Variants in CDC14A observed in about 807,000 individuals in gnomAD.
CDC14A encodes dual specificity protein phosphatase CDC14A.
CDC14A carries 53 observed loss-of-function variants against 74.4 expected under a neutral mutation model. The observed-to-expected ratio is 0.71, with a 90% CI of 0.57 to 0.89. CDC14A has a LOEUF of 0.89. CDC14A is among the 40% of genes least tolerant of loss of function. The pLI, the probability that CDC14A is intolerant of heterozygous loss-of-function variation, is 0.00. For missense variants in CDC14A, 646 were observed against 713.7 expected, an observed-to-expected ratio of 0.91 and a Z score of 1.08; for synonymous variants, 247 against 258.4, an observed-to-expected ratio of 0.96 and a Z score of 0.43.
Position 100,494,799 on chromosome 1 carries a change from A to C in CDC14A, c.1138-19A>C. 6.9e-7 allele frequency: 1 copy of C among 1,446,504 alleles called. No individual in the cohort carries two copies. The highest frequency in any genetic ancestry group is 1.1e-5 in the South Asian group (1 of 87,238). 89.6% of individuals were successfully genotyped at this position (1,446,504 alleles called of 1,614,324 possible). A position where few individuals can be genotyped will look rare whatever the true frequency, so the allele number is the denominator to read the frequency against. ...AAGCCAAATTTTGACCTTTCTATGG[A>C]ACGTGTATTTTTTTCCAGGATAACT... On this transcript the variant is annotated intron_variant, in intron 11 of 15. Transcript: ENST00000336454.
chr1:100,352,754 G>A lies in CDC14A; in HGVS notation c.-201G>A. 1 of 1,404,076 alleles carries A rather than the reference G, an allele frequency of 7.1e-7. No individual in the cohort carries two copies. Among genetic ancestry groups the A allele is most frequent in the Non-Finnish European group, 9.2e-7 (1 of 1,084,680 alleles). The allele number at this position is 1,404,076 out of a possible 1,614,324, so 87.0% of individuals were successfully genotyped here. ...GAGCGCCCCGCGCGGAGCGAGCTCG[G>A]GTTCCCCTCGGAATGTCCCCGGGGC... On this transcript the variant is annotated 5_prime_UTR_variant, in exon 1 of 16. Coordinates refer to ENST00000336454, the MANE Select transcript of CDC14A (RefSeq NM_003672.4).
At chr1:100,495,650 C>T (rs1647671639) in intron 12 of CDC14A, among the ~76,000 whole-genome samples, 1 of 152,148 alleles carries the variant, frequency 6.6e-6, no homozygotes, top group Non-Finnish European at 1.5e-5. Flanking sequence ...ATACACATAG[C>T]AGAAGGATGT....
intron 4 of CDC14A, 103 bp from the exon 5 acceptor site, chr1:100,424,119 A>C: frequency 6.2e-6 from 5 of 804,180 alleles, no homozygotes; most frequent in Non-Finnish European, 1.1e-5. Flanking sequence ...CTATCACCGT[A>C]ACAGCTGTCA....
chr1:100,503,965 A>G (rs1374459049), intron 15 of CDC14A, among the ~76,000 whole-genome samples: 2 of 152,216 alleles, frequency 1.3e-5, no homozygotes, highest in Non-Finnish European at 2.9e-5. Context: ...TGCTTCTCCC[A>G]TAAGCCTCTC....
At chr1:100,397,699 T>C (rs1026100269) in intron 4 of CDC14A, among the ~76,000 whole-genome samples, 6 of 152,180 alleles carry the variant, frequency 3.9e-5, no homozygotes, top group Admixed American at 2.0e-4. Flanking sequence ...TTTTTTTTTC[T>C]GTTATGTGGA....
rs186732080 is a variant in CDC14A at position 100,397,932 on chromosome 1, A to T, written c.309+7108A>T. 7.9e-5 allele frequency among the ~76,000 whole-genome samples: 12 copies of T among 152,328 alleles called. No homozygotes were observed. In the East Asian group the frequency reaches 2.3e-3, roughly 29 times the overall value. On this transcript the variant is annotated intron_variant, in intron 4 of 15. Transcript: ENST00000336454. ...GACTACACTTAAGACCTAAGTAGTTATACTCTACTGCTAAGTCTGTGACTA... is the reference window on the plus strand; with the variant it reads ...GACTACACTTAAGACCTAAGTAGTTTTACTCTACTGCTAAGTCTGTGACTA...
At chr1:100,518,210 GT>G in intron 15 of CDC14A, 40 bp from the exon 16 acceptor site, 1 of 1,545,624 alleles carries the variant, frequency 6.5e-7, no homozygotes, top group South Asian at 1.1e-5. Flanking sequence ...AGTTTTACAT[GT>G]GATGGAATTT....
chr1:100,431,997 A>G (rs1468534555), intron 5 of CDC14A, among the ~76,000 whole-genome samples: 1 of 152,228 alleles, frequency 6.6e-6, no homozygotes, highest in Non-Finnish European at 1.5e-5. Context: ...CTTTTAAGCC[A>G]TGACTTTAGA....
intron 7 of CDC14A, 90 bp downstream of exon 7, chr1:100,443,086 G>T: frequency 1.2e-6 from 1 of 836,476 alleles, no homozygotes. Flanking sequence ...AATCGAGTGG[G>T]TGCTAAATAA....
At chr1:100,456,678 A>G (rs1481753861) in intron 8 of CDC14A, among the ~76,000 whole-genome samples, 1 of 152,098 alleles carries the variant, frequency 6.6e-6, no homozygotes, top group African/African-American at 2.4e-5. Flanking sequence ...TAATCATCAT[A>G]TTCTAGAATC....
chr1:100,461,849 TACA>T (rs1292543022), intron 8 of CDC14A, among the ~76,000 whole-genome samples: 1 of 152,238 alleles, frequency 6.6e-6, no homozygotes, highest in Non-Finnish European at 1.5e-5. Context: ...ATTTATGGTG[TACA>T]ACAACTTTTG....
rs573390747 is a variant in CDC14A, at chr1:100,490,422, C to G, written c.1138-4396C>G. 9.2e-5 allele frequency among the ~76,000 whole-genome samples: 14 copies of G among 151,974 alleles called. No homozygotes were observed. In the South Asian group the frequency reaches 2.9e-3, roughly 32 times the overall value. ...AAATGCCCACACTTTGTACAATGGC[C>G]ACAGAGAAAAAATAAAAGAAGATTA... On this transcript the variant is annotated intron_variant, in intron 11 of 15. Coordinates refer to ENST00000336454, the MANE Select transcript of CDC14A (RefSeq NM_003672.4).
chr1:100,419,765 A>G (rs1306268799), intron 4 of CDC14A, among the ~76,000 whole-genome samples: 2 of 152,150 alleles, frequency 1.3e-5, no homozygotes, highest in African/African-American at 2.4e-5. Flanking sequence ...TGACTAAGAC[A>G]TGGTTGAAAT....
chr1:100,376,162 G>A (rs1225419819), intron 2 of CDC14A, among the ~76,000 whole-genome samples: 1 of 152,120 alleles, frequency 6.6e-6, no homozygotes, highest in Non-Finnish European at 1.5e-5. Flanking sequence ...TGGGGTGGGG[G>A]GATGGGGGAG....
chr1:100,506,004 T>C lies in CDC14A; in HGVS notation c.1755+6742T>C, dbSNP rs188760473. 4.0e-3 allele frequency among the ~76,000 whole-genome samples: 602 copies of C among 152,084 alleles called. 5 individuals carry two copies. The highest frequency in any genetic ancestry group is 0.013 in the African/African-American group (555 of 41,464). ...AACCACCAGATCTCATGTGAACTCA[T>C]AGAGTGGGAACTCACTCATTACTGG... On this transcript the variant is annotated intron_variant, in intron 15 of 15. Coordinates refer to ENST00000336454, the MANE Select transcript of CDC14A (RefSeq NM_003672.4).
intron 2 of CDC14A, among the ~76,000 whole-genome samples, chr1:100,359,102 G>A (rs1247317668): frequency 6.6e-6 from 1 of 152,176 alleles, no homozygotes; most frequent in Non-Finnish European, 1.5e-5. Context: ...AGATTTGGTT[G>A]AACCTCGAGA....
intron 8 of CDC14A, chr1:100,462,429 T>A: frequency 1.9e-6 from 1 of 526,650 alleles, no homozygotes. Context: ...TTTAATGATG[T>A]ATTTTCAGTA....
intron 2 of CDC14A, among the ~76,000 whole-genome samples, chr1:100,375,406 G>A (rs1655093999): frequency 6.6e-6 from 1 of 152,166 alleles, no homozygotes. Context: ...TGAATAGTGG[G>A]AGGATATGTG....
intron 2 of CDC14A, among the ~76,000 whole-genome samples, chr1:100,371,658 G>A (rs1445206893): frequency 2.0e-5 from 3 of 152,092 alleles, no homozygotes; most frequent in African/African-American, 4.8e-5. Context: ...CTACTTCATC[G>A]TGATGCATAA....
Sources: gnomAD v4.1 joint callset for allele counts (sites outside exome capture counted in the v4.1 genomes callset) on GRCh38, gnomAD v4.1.1 for gene constraint, MANE v1.5 for transcripts, NCBI Gene and HGNC (gene_info 2026-07-23, HGNC 2026-07-21) for gene names.